The following EYS variants were observed in gnomAD, a reference collection of about 807,000 sequenced individuals.
EYS encodes the protein EGF-like photoreceptor maintenance factor.
A neutral mutation model predicts 282.1 loss-of-function variants in EYS; 250 were observed. The ratio of observed to expected loss-of-function variants is 0.89; its 90% confidence interval spans 0.80 to 0.98. The LOEUF (loss-of-function observed/expected upper bound fraction) is 0.98. EYS is among the 50% of genes least tolerant of loss of function. The pLI, the probability that EYS is intolerant of heterozygous loss-of-function variation, is 0.00. For synonymous variants in EYS, 1,355 were observed against 1,282.9 expected (o/e 1.06, Z -1.20); for missense variants, 4,016 against 3,709.0 (o/e 1.08, Z -2.15).
chr6:65,412,483 T>C (rs1767060007), intron 5 of EYS, among the ~76,000 whole-genome samples: 1 of 152,216 alleles, frequency 6.6e-6, no homozygotes, highest in Non-Finnish European at 1.5e-5. Context: ...ACTCCTCATA[T>C]GCACCAGCAT....
At chr6:65,378,917 G>A (rs543999174) in intron 8 of EYS, among the ~76,000 whole-genome samples, 1 of 152,046 alleles carries the variant, frequency 6.6e-6, no homozygotes, top group African/African-American at 2.4e-5. Flanking sequence ...ATAACATTAG[G>A]AGAAATATAT....
chr6:63,929,461 G>A (rs753834430), intron 35 of EYS, among the ~76,000 whole-genome samples: 2 of 152,128 alleles, frequency 1.3e-5, no homozygotes, highest in African/African-American at 4.8e-5. Flanking sequence ...TCATTGAAAG[G>A]TTTGAGTATC....
chr6:64,636,002 C>A, intron 22 of EYS, among the ~76,000 whole-genome samples: 1 of 152,002 alleles, frequency 6.6e-6, no homozygotes, highest in East Asian at 1.9e-4. Flanking sequence ...AATTTTGGAG[C>A]CTGTTATTGG....
chr6:63,845,864 G>T (rs536998564), intron 36 of EYS, among the ~76,000 whole-genome samples: 1 of 152,194 alleles, frequency 6.6e-6, no homozygotes, highest in Non-Finnish European at 1.5e-5. Flanking sequence ...ATGGGAAATT[G>T]TATAATTCCC....
intron 28 of EYS, among the ~76,000 whole-genome samples, chr6:64,404,147 T>G (rs1045718131): frequency 5.3e-5 from 8 of 152,176 alleles, no homozygotes; most frequent in Non-Finnish European, 8.8e-5. Flanking sequence ...AGTTGGGCAT[T>G]TTTAGCTCAA....
chr6:63,732,722 C>T (rs1380212178), intron 41 of EYS, among the ~76,000 whole-genome samples: 1 of 152,298 alleles, frequency 6.6e-6, no homozygotes, highest in East Asian at 1.9e-4. Flanking sequence ...TGGCAACCCT[C>T]CCTATTTCAC....
At chr6:65,687,391 T>G (rs1769061525) in intron 1 of EYS, among the ~76,000 whole-genome samples, 1 of 152,090 alleles carries the variant, frequency 6.6e-6, no homozygotes, top group Non-Finnish European at 1.5e-5. Flanking sequence ...AGAAAAAATC[T>G]GAATAATTTA....
At chr6:63,983,928 T>A (rs193208181) in intron 35 of EYS, among the ~76,000 whole-genome samples, 80 of 151,848 alleles carry the variant, frequency 5.3e-4, no homozygotes, top group Admixed American at 2.6e-4. Flanking sequence ...AGAAAACAGA[T>A]ATAGGTAATT....
intron 12 of EYS, among the ~76,000 whole-genome samples, chr6:65,076,682 AT>A (rs1302655940): frequency 7.1e-6 from 1 of 140,248 alleles, no homozygotes; most frequent in Non-Finnish European, 1.6e-5. Flanking sequence ...ACATAAATAT[AT>A]ACACACACAC....
intron 31 of EYS, among the ~76,000 whole-genome samples, chr6:64,218,787 A>T (rs992171783): frequency 2.0e-5 from 3 of 152,192 alleles, no homozygotes; most frequent in African/African-American, 7.2e-5. Context: ...AAGTTATTGA[A>T]GAAAGTGAGA....
At chr6:64,659,643 A>G (rs1768915670) in intron 22 of EYS, among the ~76,000 whole-genome samples, 1 of 152,162 alleles carries the variant, frequency 6.6e-6, no homozygotes, top group African/African-American at 2.4e-5. Context: ...CAGAATAAAT[A>G]TATAAATTCC....
chr6:63,821,394 A>G (rs1343498278), intron 36 of EYS: 3 of 152,202 alleles, frequency 2.0e-5, no homozygotes, highest in Non-Finnish European at 4.4e-5. Context: ...GAGAGTATAA[A>G]AGGCTTATAG....
intron 14 of EYS, among the ~76,000 whole-genome samples, chr6:64,955,859 G>C (rs568150467): frequency 5.3e-5 from 8 of 152,078 alleles, no homozygotes; most frequent in African/African-American, 1.9e-4. Context: ...CTGGCAACTC[G>C]CTTTGGGTCC....
At chr6:64,629,080 A>C (rs1286954997) in intron 22 of EYS, among the ~76,000 whole-genome samples, 1 of 152,146 alleles carries the variant, frequency 6.6e-6, no homozygotes, top group Non-Finnish European at 1.5e-5. Context: ...ATTTAGTTGC[A>C]TATCTCCTTA....
At chr6:64,908,275 G>C (rs532585011) in intron 16 of EYS, among the ~76,000 whole-genome samples, 2 of 152,210 alleles carry the variant, frequency 1.3e-5, no homozygotes, top group African/African-American at 4.8e-5. Context: ...AGCTCCACAC[G>C]GGCCCCCAGC....
At chr6:65,188,832 G>T (rs945535214) in intron 12 of EYS, among the ~76,000 whole-genome samples, 2 of 149,480 alleles carry the variant, frequency 1.3e-5, no homozygotes, top group African/African-American at 4.9e-5. Flanking sequence ...GCTTCTAGAA[G>T]ATGGAAGAGG....
chr6:65,095,233 A>T (rs1774705495), intron 12 of EYS, among the ~76,000 whole-genome samples: 1 of 151,276 alleles, frequency 6.6e-6, no homozygotes, highest in African/African-American at 2.4e-5. Flanking sequence ...AGTAAACAGT[A>T]AAAGGGTGGT....
chr6:64,380,271 A>C (rs1772701253), intron 29 of EYS, among the ~76,000 whole-genome samples: 1 of 152,160 alleles, frequency 6.6e-6, no homozygotes, highest in African/African-American at 2.4e-5. Flanking sequence ...TAAATGTGTT[A>C]ATTTGTGTTT....
intron 33 of EYS, among the ~76,000 whole-genome samples, chr6:64,032,938 G>C (rs1054698376): frequency 2.6e-5 from 4 of 152,092 alleles, no homozygotes; most frequent in Non-Finnish European, 4.4e-5. Flanking sequence ...TCATTGGCCA[G>C]TGGTGATTAA....
Sources: gnomAD v4.1 joint callset for allele counts (sites outside exome capture counted in the v4.1 genomes callset) on GRCh38, gnomAD v4.1.1 for gene constraint, MANE v1.5 for transcripts, NCBI Gene and HGNC (gene_info 2026-07-23, HGNC 2026-07-21) for gene names.